The following EDAR variants were observed in gnomAD, a reference collection of about 807,000 sequenced individuals.
EDAR encodes ectodysplasin A receptor.
Under a neutral mutation model 51.3 loss-of-function variants are expected in EDAR, and 38 were observed. The ratio of observed to expected loss-of-function variants is 0.74; its 90% CI spans 0.57 to 0.97. The LOEUF (loss-of-function observed/expected upper bound fraction) is 0.97, where lower values mean the gene tolerates loss of function less well. EDAR is among the 50% of genes least tolerant of loss of function. The pLI, the probability that EDAR is intolerant of heterozygous loss-of-function variation, is 0.00. For missense variants in EDAR, 528 were observed against 595.0 expected (o/e 0.89, Z 1.17); for synonymous variants, 227 against 242.1 (o/e 0.94, Z 0.58).
chr2:108,923,507 G>T, intron 4 of EDAR, 54 bp from the exon 5 acceptor site: 6 of 1,545,770 alleles, frequency 3.9e-6, no homozygotes, highest in Non-Finnish European at 5.4e-6. Flanking sequence ...CAGCACACAG[G>T]CAGGGACTGG....
intron 1 of EDAR, among the ~76,000 whole-genome samples, chr2:108,988,748 A>G (rs186282681): frequency 1.3e-5 from 2 of 152,336 alleles, no homozygotes; most frequent in African/African-American, 4.8e-5. Context: ...ACAGCAAAAC[A>G]GGGTTTCTGA....
intron 9 of EDAR, among the ~76,000 whole-genome samples, chr2:108,909,791 C>T (rs916542535): frequency 9.2e-5 from 14 of 152,322 alleles, no homozygotes; most frequent in Middle Eastern, 6.8e-3. Context: ...GTGGTAAACG[C>T]GGGAAAGGCT....
chr2:108,921,065 C>G (rs1697128260), intron 5 of EDAR, among the ~76,000 whole-genome samples: 1 of 152,226 alleles, frequency 6.6e-6, no homozygotes, highest in African/African-American at 2.4e-5. Flanking sequence ...CAATTCGAGT[C>G]ATAAGAAACC....
intron 11 of EDAR, among the ~76,000 whole-genome samples, chr2:108,900,634 T>C (rs1157166775): frequency 6.6e-6 from 1 of 151,632 alleles, no homozygotes; most frequent in Non-Finnish European, 1.5e-5. Flanking sequence ...TAGAGTAGAC[T>C]TAAAAATTTT....
chr2:108,918,844 T>G (rs1216522230), intron 5 of EDAR, among the ~76,000 whole-genome samples: 1 of 152,148 alleles, frequency 6.6e-6, no homozygotes, highest in Non-Finnish European at 1.5e-5. Context: ...GGTAAAAGAT[T>G]GCATTTTTAG....
intron 1 of EDAR, among the ~76,000 whole-genome samples, chr2:108,983,058 A>T (rs1285071158): frequency 6.6e-6 from 1 of 152,222 alleles, no homozygotes; most frequent in Non-Finnish European, 1.5e-5. Context: ...ACACTCTGCA[A>T]ATCTACCGAT....
In EDAR at chr2:108,894,957, T is replaced by C. The variant is rs1696553354; in HGVS notation, c.*1950A>G. ...ACATTCTGAGGAGGGTGCAAGCTGT[T>C]ATCCTGGAATGGCACACTCATCACA... is the stretch of plus-strand genomic sequence containing the variant. On this transcript the variant is annotated 3_prime_UTR_variant, in exon 12 of 12. Coordinates refer to ENST00000258443, the MANE Select transcript of EDAR (RefSeq NM_022336.4). The C allele has an allele frequency of 1.3e-5, 2 of 152,260 alleles. No homozygotes were observed. Among genetic ancestry groups the C allele is most frequent in the Non-Finnish European group, 2.9e-5 (2 of 68,042 alleles). The allele number at this position is 152,260 out of a possible 1,614,324, so 9.4% of individuals were successfully genotyped here.
At chr2:108,929,722 T>C (rs1003574241) in intron 3 of EDAR, among the ~76,000 whole-genome samples, 20 of 150,906 alleles carry the variant, frequency 1.3e-4, no homozygotes, top group Non-Finnish European at 2.2e-4. Context: ...ACCCCGGAGG[T>C]TTCCCTTAGT....
chr2:108,906,391 T>C lies in EDAR; in HGVS notation c.964-23A>G, dbSNP rs746041288. 8 of 1,613,870 alleles carry C rather than the reference T, an allele frequency of 5.0e-6. No individual in the cohort carries two copies. In the African/African-American group the frequency reaches 9.3e-5, roughly 19 times the overall value. Reference sequence around the variant, plus strand: ...AATCTGTGAAAAAGAGTCGAGAATTTTCATCTCCAGAAAGGGGCAACAGTA... The same window carrying C: ...AATCTGTGAAAAAGAGTCGAGAATTCTCATCTCCAGAAAGGGGCAACAGTA... On this transcript the variant is annotated intron_variant, in intron 10 of 11. Coordinates refer to ENST00000258443, the MANE Select transcript of EDAR (RefSeq NM_022336.4).
At chr2:108,952,151 A>C (rs1215422295) in intron 1 of EDAR, among the ~76,000 whole-genome samples, 4 of 152,240 alleles carry the variant, frequency 2.6e-5, no homozygotes, top group Non-Finnish European at 5.9e-5. Context: ...ATTTGATATC[A>C]TCTCAAGGAC....
intron 2 of EDAR, 23 bp from the exon 3 acceptor site, chr2:108,930,265 T>G: frequency 6.2e-7 from 1 of 1,613,978 alleles, no homozygotes. Context: ...GGGGGTGTTG[T>G]GGCCTCCGTA....
rs1240344482 is a variant in EDAR at position 108,896,755 on chromosome 2, C to G, written c.*152G>C. 1.2e-5 allele frequency: 9 copies of G among 722,066 alleles called. No individual in the cohort carries two copies. In the East Asian group the frequency reaches 2.4e-4, roughly 20 times the overall value. 44.7% of individuals were successfully genotyped at this position (722,066 alleles called of 1,614,324 possible). ...TCTTTGGTTAAATTGGAAGACAGGC[C>G]TTATTTCGTCTGGCTCCTTGAACAT... On this transcript the variant is annotated 3_prime_UTR_variant, in exon 12 of 12. Coordinates refer to ENST00000258443, the MANE Select transcript of EDAR (RefSeq NM_022336.4).
chr2:108,944,145 G>C (rs926948125), intron 1 of EDAR, among the ~76,000 whole-genome samples: 6 of 152,066 alleles, frequency 3.9e-5, no homozygotes, highest in Non-Finnish European at 7.4e-5. Flanking sequence ...ACAGAGTCTC[G>C]CTCTGTCAGC....
intron 1 of EDAR, among the ~76,000 whole-genome samples, chr2:108,983,752 C>T (rs1698453729): frequency 6.6e-6 from 1 of 152,250 alleles, no homozygotes; most frequent in Admixed American, 6.5e-5. Flanking sequence ...TTCTCTCCAA[C>T]TCCAAAGGCC....
At chr2:108,963,497 T>TC (rs1223820864) in intron 1 of EDAR, among the ~76,000 whole-genome samples, 6 of 152,138 alleles carry the variant, frequency 3.9e-5, no homozygotes, top group African/African-American at 1.4e-4. Context: ...AGATCCCATG[T>TC]CCCCGTTACC....
intron 1 of EDAR, among the ~76,000 whole-genome samples, chr2:108,980,714 T>C (rs1281118477): frequency 6.6e-6 from 1 of 151,950 alleles, no homozygotes; most frequent in African/African-American, 2.4e-5. Flanking sequence ...CACACAGACA[T>C]CTTGGGCCAG....
chr2:108,985,816 A>G (rs1698488319), intron 1 of EDAR, among the ~76,000 whole-genome samples: 1 of 152,218 alleles, frequency 6.6e-6, no homozygotes, highest in Non-Finnish European at 1.5e-5. Flanking sequence ...TAACTGTGTC[A>G]TTGGAACAAT....
At chr2:108,945,354 C>A (rs1697695163) in intron 1 of EDAR, among the ~76,000 whole-genome samples, 1 of 152,110 alleles carries the variant, frequency 6.6e-6, no homozygotes. Context: ...ATTTATTTAT[C>A]CCCATGCCAA....
chr2:108,928,195 G>A (rs923748659), intron 4 of EDAR, among the ~76,000 whole-genome samples: 2 of 152,266 alleles, frequency 1.3e-5, no homozygotes, highest in Admixed American at 6.5e-5. Flanking sequence ...CCCAATCAGA[G>A]CCCCAGGCAC....
Sources: allele counts gnomAD v4.1 joint callset (sites outside exome capture counted in the v4.1 genomes callset), GRCh38; gene constraint gnomAD v4.1.1; transcripts MANE v1.5; gene names NCBI Gene and HGNC (gene_info 2026-07-23, HGNC 2026-07-21).